The following AKAP19 variants were observed in gnomAD, a reference collection of about 807,000 sequenced individuals.
The protein encoded by AKAP19 is small A-kinase anchoring protein.
chr2:189,895,596 C>T, the AKAP19 span, among the ~76,000 whole-genome samples: 2 of 151,972 alleles, frequency 1.3e-5, no homozygotes, highest in Non-Finnish European at 2.9e-5. Flanking sequence ...TGTTAATGTA[C>T]CAATACTGGT....
At chr2:190,012,468 T>A in the AKAP19 span, among the ~76,000 whole-genome samples, 1 of 152,242 alleles carries the variant, frequency 6.6e-6, no homozygotes, top group Non-Finnish European at 1.5e-5. Flanking sequence ...ATGTGTTGAT[T>A]TTATATCCTA....
At chr2:190,136,603 G>C in the AKAP19 span, among the ~76,000 whole-genome samples, 1 of 152,256 alleles carries the variant, frequency 6.6e-6, no homozygotes, top group Admixed American at 6.5e-5. Context: ...CTCAGGGTCA[G>C]AGAACAGCTG....
At chr2:190,179,125 T>C in the AKAP19 span, among the ~76,000 whole-genome samples, 630 of 152,324 alleles carry the variant, frequency 4.1e-3, 5 homozygotes, top group African/African-American at 0.015. This position sits in a 1 kb window ranked among gnomAD's most constrained non-coding sequence, Gnocchi z 6.0. Context: ...AAATTGATAC[T>C]GGCTGGGTGC....
the AKAP19 span, among the ~76,000 whole-genome samples, chr2:190,076,086 C>A: frequency 5.9e-5 from 9 of 152,062 alleles, no homozygotes; most frequent in Admixed American, 5.2e-4. Flanking sequence ...TTCCCTAATG[C>A]ATTGTTGTTA....
the AKAP19 span, among the ~76,000 whole-genome samples, chr2:189,969,366 C>T: frequency 6.6e-6 from 1 of 152,236 alleles, no homozygotes; most frequent in South Asian, 2.1e-4. Context: ...GAATTCTCAG[C>T]CTCAAGAACT....
the AKAP19 span, among the ~76,000 whole-genome samples, chr2:190,023,952 G>A: frequency 1.3e-5 from 2 of 151,882 alleles, no homozygotes; most frequent in East Asian, 1.9e-4. Context: ...AAATTTCATC[G>A]AAGTAAGGGG....
the AKAP19 span, among the ~76,000 whole-genome samples, chr2:189,966,296 C>T: frequency 2.0e-5 from 3 of 152,024 alleles, no homozygotes; most frequent in African/African-American, 4.8e-5. Flanking sequence ...ATAACCTACC[C>T]ATGTAAACAA....
chr2:189,935,125 T>C, the AKAP19 span, among the ~76,000 whole-genome samples: 1 of 152,142 alleles, frequency 6.6e-6, no homozygotes, highest in South Asian at 2.1e-4. Context: ...AAGGAATGGG[T>C]TTTTAAAATA....
At chr2:190,110,372 G>T in the AKAP19 span, among the ~76,000 whole-genome samples, 1 of 152,086 alleles carries the variant, frequency 6.6e-6, no homozygotes, top group East Asian at 1.9e-4. Context: ...TTTTCACAGA[G>T]AATAAAGAAC....
chr2:190,133,235 C>CAAAAA, the AKAP19 span, among the ~76,000 whole-genome samples: 5 of 58,112 alleles, frequency 8.6e-5, no homozygotes, highest in Non-Finnish European at 1.2e-4. Flanking sequence ...GAGACTCTGC[C>CAAAAA]AAAAAAAAAA....
the AKAP19 span, among the ~76,000 whole-genome samples, chr2:190,080,886 C>T: frequency 5.6e-4 from 85 of 152,150 alleles, no homozygotes. Flanking sequence ...TAGCTAATGA[C>T]TGTACAAGAT....
chr2:189,989,026 A>G, the AKAP19 span, among the ~76,000 whole-genome samples: 1 of 152,238 alleles, frequency 6.6e-6, no homozygotes, highest in African/African-American at 2.4e-5. Context: ...GAGTAATCTA[A>G]TGGAGCAGAA....
At chr2:190,066,697 G>C in the AKAP19 span, among the ~76,000 whole-genome samples, 2 of 152,106 alleles carry the variant, frequency 1.3e-5, no homozygotes, top group African/African-American at 4.8e-5. Flanking sequence ...TCTTAAGCTA[G>C]GTAGCATGAA....
chr2:189,901,306 T>G, the AKAP19 span, among the ~76,000 whole-genome samples: 1 of 152,134 alleles, frequency 6.6e-6, no homozygotes, highest in Admixed American at 6.5e-5. Context: ...AATTTAAAAT[T>G]ACGTAAGTAG....
chr2:189,985,235 T>C, the AKAP19 span, among the ~76,000 whole-genome samples: 1 of 152,342 alleles, frequency 6.6e-6, no homozygotes, highest in Non-Finnish European at 1.5e-5. Flanking sequence ...CTGGTTCTGT[T>C]CCCTCAGTTT....
At chr2:189,971,397 G>A in the AKAP19 span, among the ~76,000 whole-genome samples, 3 of 152,252 alleles carry the variant, frequency 2.0e-5, no homozygotes, top group Non-Finnish European at 1.5e-5. Flanking sequence ...TGGACATTTG[G>A]GTTGGTTCCA....
chr2:190,074,278 G>C, the AKAP19 span, among the ~76,000 whole-genome samples: 1 of 152,112 alleles, frequency 6.6e-6, no homozygotes, highest in African/African-American at 2.4e-5. Flanking sequence ...AAAGAAATGA[G>C]AGGGGAATAT....
chr2:190,131,941 C>G, the AKAP19 span, among the ~76,000 whole-genome samples: 1 of 150,272 alleles, frequency 6.7e-6, no homozygotes, highest in African/African-American at 2.4e-5. Flanking sequence ...AAGACTCCAC[C>G]AAAAAAAAAT....
At chr2:190,122,817 T>A in the AKAP19 span, among the ~76,000 whole-genome samples, 1 of 152,024 alleles carries the variant, frequency 6.6e-6, no homozygotes, top group African/African-American at 2.4e-5. Context: ...TCTCTTTTTT[T>A]TTTTTTGTTA....
Sources: allele counts gnomAD v4.1 joint callset (sites outside exome capture counted in the v4.1 genomes callset), GRCh38; gene constraint gnomAD v4.1.1; non-coding constraint Gnocchi (gnomAD v3.1); transcripts MANE v1.5; gene names NCBI Gene and HGNC (gene_info 2026-07-23, HGNC 2026-07-21).